Variants in ZNF844 observed in about 807,000 individuals in gnomAD.
The protein encoded by ZNF844 is zinc finger protein 844.
ZNF844 carries 11 observed loss-of-function variants against 11.4 expected under a neutral mutation model. The ratio of observed to expected loss-of-function variants is 0.97; its 90% CI spans 0.61 to 1.60. The LOEUF is 1.60. Among genes scored for constraint, ZNF844 ranks in the 40% most tolerant of loss-of-function variants. ZNF844 has a pLI of 0.00. For synonymous variants in ZNF844, 248 were observed against 260.3 expected (o/e 0.95, Z 0.46); for missense variants, 790 against 796.8 (o/e 0.99, Z 0.10).
rs1599402447 is a variant in ZNF844 at position 12,076,854 on chromosome 19, A to G, written c.1734A>G (p.Gln578=). ...CTCTTCCTTTCAAATACATGCAACA[A>G]TGCACAGAGGACAGAATGCCTATGA... ...TISLPFKYMQ[Q]CTEDRMPMNV... is the part of the protein sequence containing the mutation. The change falls in exon 4 of 4, where the codon CAA becomes CAG. Residue 578 remains glutamine (Q), a synonymous_variant. Transcript: ENST00000439326. The G allele has an allele frequency of 2.6e-6, 4 of 1,562,882 alleles. No individual in the cohort carries two copies. The highest frequency in any genetic ancestry group is 1.2e-5 in the South Asian group (1 of 85,684).
intron 1 of ZNF844, among the ~76,000 whole-genome samples, chr19:12,069,810 C>T (rs999898772): frequency 6.6e-6 from 1 of 151,730 alleles, no homozygotes; most frequent in African/African-American, 2.4e-5. Flanking sequence ...CAAAAATTAG[C>T]CAGGCGTGGT....
intron 1 of ZNF844, among the ~76,000 whole-genome samples, chr19:12,066,512 C>A: frequency 1.4e-5 from 2 of 142,310 alleles, no homozygotes; most frequent in Admixed American, 7.0e-5. Context: ...ATCATTTAAA[C>A]TATAACATAA....
Position 12,075,455 on chromosome 19 carries a change from T to C in ZNF844, c.335T>C (p.Phe112Ser). 2 of 1,612,874 alleles carry C rather than the reference T, an allele frequency of 1.2e-6. No individual in the cohort carries two copies. Among genetic ancestry groups the C allele is most frequent in the Non-Finnish European group, 1.7e-6 (2 of 1,179,610 alleles). The change falls in exon 4 of 4, where the codon TTC becomes TCC. Residue 112 changes from phenylalanine (F) to serine (S), a missense_variant. Transcript: ENST00000439326. ...GAAAGCAGTGTGTGTGGAGAAGTCT[T>C]CGTGGGTCATTCTTCCCTTAATAGG... The part of the protein sequence containing the change: ...SCESSVCGEV[F>S]VGHSSLNRHI...
At chr19:12,075,239 G>A (rs1049207724) in intron 3 of ZNF844, 73 bp from the exon 4 acceptor site, 6 of 1,073,004 alleles carry the variant, frequency 5.6e-6, no homozygotes, top group Non-Finnish European at 7.2e-6. Flanking sequence ...TAAAATGCAA[G>A]TGTAATCCTT....
chr19:12,067,826 G>A (rs1385045898), intron 1 of ZNF844, among the ~76,000 whole-genome samples: 5 of 150,256 alleles, frequency 3.3e-5, no homozygotes, highest in African/African-American at 1.2e-4. Context: ...TGAGGCAGGA[G>A]ACGTGAACCC....
Position 12,080,152 on chromosome 19 carries a change from T to C in ZNF844, c.*3031T>C. The C allele has an allele frequency of 5.5e-6, 1 of 182,832 alleles. No individual in the cohort carries two copies. Among genetic ancestry groups the C allele is most frequent in the South Asian group, 8.6e-5 (1 of 11,684 alleles). 11.3% of individuals were successfully genotyped at this position (182,832 alleles called of 1,614,324 possible). A position where few individuals can be genotyped will look rare whatever the true frequency, so the allele number is the denominator to read the frequency against. On this transcript the variant is annotated 3_prime_UTR_variant, in exon 4 of 4. Transcript: ENST00000439326. Reference sequence around the variant, plus strand: ...TCACGAGGTCAGGAGATCAAGACCATCCTGGCTGACACGGTGAAACCCCGT... The same window carrying C: ...TCACGAGGTCAGGAGATCAAGACCACCCTGGCTGACACGGTGAAACCCCGT...
Position 12,080,512 on chromosome 19 carries a change from C to G in ZNF844, c.*3391C>G, listed in dbSNP as rs1004053348. ...TTTTAGAGGCACCAAACAGGTGCCA[C>G]ATCCATACAGGCTGACTCCCTGCTC... On this transcript the variant is annotated 3_prime_UTR_variant, in exon 4 of 4. Transcript: ENST00000439326. 4.4e-6 allele frequency: 1 copy of G among 227,536 alleles called. No individual in the cohort carries two copies. Among genetic ancestry groups the G allele is most frequent in the Non-Finnish European group, 8.9e-6 (1 of 112,586 alleles). 14.1% of individuals were successfully genotyped at this position (227,536 alleles called of 1,614,324 possible).
At chr19:12,068,345 AG>A (rs1456848929) in intron 1 of ZNF844, among the ~76,000 whole-genome samples, 1 of 152,032 alleles carries the variant, frequency 6.6e-6, no homozygotes, top group Non-Finnish European at 1.5e-5. Context: ...ATATGGTTAA[AG>A]GCTGGGTGCG....
intron 1 of ZNF844, among the ~76,000 whole-genome samples, chr19:12,071,883 C>CTTTTTTTTT (rs533482850): frequency 2.9e-5 from 4 of 139,252 alleles, no homozygotes; most frequent in African/African-American, 7.9e-5. Context: ...AATTTTTTTT[C>CTTTTTTTTT]TTTTTTTTTT....
rs1183503577 is a variant in ZNF844 at position 12,076,542 on chromosome 19, C to A, written c.1422C>A (p.Asn474Lys). The change falls in exon 4 of 4, where the codon AAC (asparagine) becomes AAA (lysine). Residue 474 changes from asparagine to lysine, a missense_variant. Asn to Lys is a moderately conservative substitution (Grantham distance 94). Around this residue, in one of 3 missense-constraint regions of ZNF844, gnomAD observed 657 missense variants for 636.2 expected, o/e 1.03. Coordinates refer to ENST00000439326, the MANE Select transcript of ZNF844 (RefSeq NM_001136501.3). ...TGGAAGGACTCACACTCAAGAGAAA[C>A]CCTATGAATGTAAGCAGTGTGGTAA... ...KCMEGLTLKR[N>K]PMNVSSVVKP... 3 of 1,609,026 alleles carry A rather than the reference C, an allele frequency of 1.9e-6. No individual in the cohort carries two copies. Among genetic ancestry groups the A allele is most frequent in the East Asian group, 4.5e-5 (2 of 44,584 alleles).
Position 12,076,543 on chromosome 19 carries a change from C to A in ZNF844, c.1423C>A (p.Pro475Thr). The A allele has an allele frequency of 6.2e-7, 1 of 1,606,698 alleles. No individual in the cohort carries two copies. Among genetic ancestry groups the A allele is most frequent in the Non-Finnish European group, 8.5e-7 (1 of 1,177,268 alleles). ...GGAAGGACTCACACTCAAGAGAAAC[C>A]CTATGAATGTAAGCAGTGTGGTAAA... ...CMEGLTLKRN[P>T]MNVSSVVKPS... The change falls in exon 4 of 4, where the codon CCT becomes ACT. Residue 475 changes from proline to threonine, a missense_variant. Pro to Thr is a conservative substitution (Grantham distance 38, BLOSUM62 -1). Transcript: ENST00000439326.
At chr19:12,068,410 G>T (rs1975716484) in intron 1 of ZNF844, among the ~76,000 whole-genome samples, 1 of 152,298 alleles carries the variant, frequency 6.6e-6, no homozygotes, top group South Asian at 2.1e-4. Flanking sequence ...GGCAGATCAT[G>T]AGGTCAGGAG....
intron 1 of ZNF844, among the ~76,000 whole-genome samples, chr19:12,066,949 AT>A (rs1441393110): frequency 2.0e-5 from 3 of 152,098 alleles, no homozygotes; most frequent in African/African-American, 4.8e-5. Flanking sequence ...GACTGCCATA[AT>A]TTTTTCAGTG....
Position 12,074,407 on chromosome 19 carries a change from C to G in ZNF844, c.177C>G (p.Pro59=). The G allele has an allele frequency of 6.5e-7, 1 of 1,536,884 alleles. No individual in the cohort carries two copies. Among genetic ancestry groups the G allele is most frequent in the Non-Finnish European group, 8.8e-7 (1 of 1,142,580 alleles). The part of the protein sequence containing the change: ...DQNIEDQYKN[P]RNNLRSLLGE... The stretch of plus-strand genomic sequence containing the variant: ...ACATTGAAGATCAGTACAAAAATCC[C>G]AGGAATAATCTAAGGTGATTTAAAC... Residue 59 remains proline, a synonymous_variant, in exon 3 of 4, where the codon CCC becomes CCG. Transcript: ENST00000439326.
chr19:12,070,532 C>G (rs1206392727), intron 1 of ZNF844, among the ~76,000 whole-genome samples: 5 of 152,128 alleles, frequency 3.3e-5, no homozygotes, highest in Non-Finnish European at 1.5e-5. Context: ...AGAAATCTGA[C>G]CTGGTGTTTT....
Position 12,077,441 on chromosome 19 carries a change from G to T in ZNF844, c.*320G>T. On this transcript the variant is annotated 3_prime_UTR_variant, in exon 4 of 4. Transcript: ENST00000439326. ...CTACTGCATTTCAGTATCATGAAAA[G>T]ACCCACACCAGAGAGAAACACTATG... The T allele has an allele frequency of 1.6e-6, 1 of 637,702 alleles. No homozygotes were observed. The highest frequency in any genetic ancestry group is 2.9e-6 in the Non-Finnish European group (1 of 339,882). The allele number at this position is 637,702 out of a possible 1,614,324, so 39.5% of individuals were successfully genotyped here.
rs1389699756 is a variant in ZNF844 at position 12,075,887 on chromosome 19, A to G, written c.767A>G (p.Lys256Arg). The G allele has an allele frequency of 6.2e-7, 1 of 1,609,922 alleles. No homozygotes were observed. The highest frequency in any genetic ancestry group is 1.1e-5 in the South Asian group (1 of 90,588). ...THTGEKPYEC[K>R]ECGKAFGSPN... is the part of the protein sequence containing the mutation. ...ACTGGAGAGAAGCCTTATGAATGTA[A>G]GGAATGTGGGAAAGCATTCGGTAGT... The change falls in exon 4 of 4, where the codon AAG becomes AGG. Residue 256 changes from lysine to arginine, a missense_variant. Coordinates refer to ENST00000439326, the MANE Select transcript of ZNF844 (RefSeq NM_001136501.3).
rs950462258 is a variant in ZNF844 at position 12,077,562 on chromosome 19, T to C, written c.*441T>C. The C allele has an allele frequency of 1.2e-5, 7 of 600,160 alleles. No individual in the cohort carries two copies. The highest frequency in any genetic ancestry group is 5.5e-5 in the South Asian group (4 of 73,064). The allele number at this position is 600,160 out of a possible 1,614,324, so 37.2% of individuals were successfully genotyped here. A position where few individuals can be genotyped will look rare whatever the true frequency, so the allele number is the denominator to read the frequency against. On this transcript the variant is annotated 3_prime_UTR_variant, in exon 4 of 4. Coordinates refer to ENST00000439326, the MANE Select transcript of ZNF844 (RefSeq NM_001136501.3). ...AGAGAAACCCTATGAATGTAAGCAG[T>C]GTGGTAAAGCCTTCAGATCTGCCAC...
intron 1 of ZNF844, chr19:12,070,412 A>G (rs764148423): frequency 1.3e-5 from 2 of 152,248 alleles, no homozygotes; most frequent in Non-Finnish European, 2.9e-5. Flanking sequence ...ATCCTGGCCC[A>G]TTACTGCAGG....
Sources: gnomAD v4.1 joint callset for allele counts (sites outside exome capture counted in the v4.1 genomes callset) on GRCh38, gnomAD v4.1.1 for gene constraint, gnomAD v4.1.1 regional missense constraint, MANE v1.5 for transcripts, NCBI Gene and HGNC (gene_info 2026-07-23, HGNC 2026-07-21) for gene names.